The following ENPP3 variants were observed in gnomAD, a reference collection of about 807,000 sequenced individuals.
ENPP3 encodes the protein ectonucleotide pyrophosphatase/phosphodiesterase 3.
In ENPP3, 104 loss-of-function variants were observed where a neutral mutation model predicts 117.8. That is an observed-to-expected ratio of 0.88 (90% CI 0.75 to 1.04). ENPP3 has a LOEUF of 1.04. ENPP3 is among the 50% of genes least tolerant of loss of function. The pLI is 0.00. For missense variants in ENPP3, 1,026 were observed against 1,051.9 expected (o/e 0.98, Z 0.34); for synonymous variants, 380 against 349.9 (o/e 1.09, Z -0.96).
At chr6:131,691,255 G>C (rs1165103712) in intron 14 of ENPP3, among the ~76,000 whole-genome samples, 16 of 152,070 alleles carry the variant, frequency 1.1e-4, no homozygotes, top group Admixed American at 1.0e-3. Context: ...GCAGCACTCT[G>C]ACTACATGAG....
intron 23 of ENPP3, 131 bp downstream of exon 23, chr6:131,738,294 A>G (rs1195300014): frequency 2.8e-6 from 2 of 704,154 alleles, no homozygotes; most frequent in Admixed American, 3.5e-5. Flanking sequence ...ACTATTTTCA[A>G]TCTAGTCTAT....
chr6:131,701,481 G>A (rs1779529457), intron 15 of ENPP3: 2 of 614,678 alleles, frequency 3.3e-6, no homozygotes, highest in East Asian at 2.7e-5. Flanking sequence ...TAACTTGTTC[G>A]GCACTCTTTG....
At chr6:131,671,913 T>G (rs1314468227) in intron 7 of ENPP3, among the ~76,000 whole-genome samples, 1 of 152,238 alleles carries the variant, frequency 6.6e-6, no homozygotes, top group Admixed American at 6.5e-5. Context: ...TTATAACACA[T>G]TTTAAGGCAT....
intron 15 of ENPP3, chr6:131,710,194 A>G (rs1484323912): frequency 6.2e-7 from 1 of 1,608,960 alleles, no homozygotes. Flanking sequence ...ATCTTTCATC[A>G]TTGGCAAGTG....
rs1421893058 is a variant in ENPP3, at chr6:131,701,239, G to A, written c.1412+7615G>A. On this transcript the variant is annotated intron_variant, in intron 15 of 24. Coordinates refer to ENST00000357639, the MANE Select transcript of ENPP3 (RefSeq NM_005021.5). ...GAGAGGAAGAAGTACATGGGGGCGTGCAGTCTGGAGTCCAGTGAGATGAGC... is the reference window on the plus strand; with the variant it reads ...GAGAGGAAGAAGTACATGGGGGCGTACAGTCTGGAGTCCAGTGAGATGAGC... 3 of 1,394,462 alleles carry A rather than the reference G, an allele frequency of 2.2e-6. No homozygotes were observed. Among genetic ancestry groups the A allele is most frequent in the Middle Eastern group, 1.8e-4 (1 of 5,602 alleles). 86.4% of individuals were successfully genotyped at this position (1,394,462 alleles called of 1,614,324 possible). A position where few individuals can be genotyped will look rare whatever the true frequency, so the allele number is the denominator to read the frequency against.
intron 6 of ENPP3, among the ~76,000 whole-genome samples, chr6:131,669,224 A>G (rs141293636): frequency 1.3e-5 from 2 of 152,166 alleles, no homozygotes; most frequent in African/African-American, 2.4e-5. Flanking sequence ...AACAATATTA[A>G]ATGTCTTTCC....
chr6:131,746,858 C>T lies in ENPP3; in HGVS notation c.2530C>T (p.Leu844Phe), dbSNP rs890728320. Reference sequence around the variant, plus strand: ...CATTGCCCGGGTCCGTGATGTAGAACTTCTCACTGGGCTTGACTTCTATCA... The same window carrying T: ...CATTGCCCGGGTCCGTGATGTAGAATTTCTCACTGGGCTTGACTTCTATCA... The part of the protein sequence containing the change: ...AHIARVRDVE[L>F]LTGLDFYQDK... Residue 844 changes from leucine (L) to phenylalanine (F), a missense_variant, in exon 25 of 25, where the codon CTT (leucine) becomes TTT (phenylalanine). By Grantham distance (22) the Leu-to-Phe change is conservative. Coordinates refer to ENST00000357639, the MANE Select transcript of ENPP3 (RefSeq NM_005021.5). 7.4e-6 allele frequency: 12 copies of T among 1,613,338 alleles called. No individual in the cohort carries two copies. The highest frequency in any genetic ancestry group is 1.0e-5 in the Non-Finnish European group (12 of 1,179,680).
chr6:131,721,358 A>G (rs1166657103), intron 17 of ENPP3, among the ~76,000 whole-genome samples: 1 of 152,202 alleles, frequency 6.6e-6, no homozygotes, highest in Non-Finnish European at 1.5e-5. Context: ...AGTTTTTAAA[A>G]TGGTGTGTTG....
intron 7 of ENPP3, among the ~76,000 whole-genome samples, chr6:131,671,938 G>C (rs1032714708): frequency 6.6e-6 from 1 of 152,144 alleles, no homozygotes; most frequent in Non-Finnish European, 1.5e-5. Flanking sequence ...TGCCTCAAAG[G>C]ATATTTGTGT....
intron 5 of ENPP3, among the ~76,000 whole-genome samples, chr6:131,655,819 G>T (rs2114328708): frequency 6.6e-6 from 1 of 152,312 alleles, no homozygotes; most frequent in Non-Finnish European, 1.5e-5. Flanking sequence ...GGCAAGACTA[G>T]AAAGGAACCT....
At chr6:131,736,312 A>G (rs1056607851) in intron 21 of ENPP3, among the ~76,000 whole-genome samples, 3 of 152,228 alleles carry the variant, frequency 2.0e-5, no homozygotes, top group Non-Finnish European at 4.4e-5. Flanking sequence ...TGGATAATTT[A>G]TAAAGAAAAG....
At chr6:131,676,943 G>T (rs1778881967) in intron 10 of ENPP3, 142 bp downstream of exon 10, 1 of 600,372 alleles carries the variant, frequency 1.7e-6, no homozygotes, top group East Asian at 2.8e-5. Context: ...CACTTTTCAT[G>T]AATTATTCCT....
At chr6:131,677,088 T>A (rs372725210) in intron 10 of ENPP3, among the ~76,000 whole-genome samples, 2 of 151,820 alleles carry the variant, frequency 1.3e-5, no homozygotes, top group African/African-American at 4.8e-5. Flanking sequence ...TGTAAAGAAT[T>A]AGCTGGGCAT....
chr6:131,680,303 G>A (rs773335289), intron 11 of ENPP3, among the ~76,000 whole-genome samples: 3 of 152,256 alleles, frequency 2.0e-5, no homozygotes, highest in Admixed American at 6.5e-5. Context: ...GATCAAGATT[G>A]ATTTCCTAGT....
chr6:131,676,695 T>C (rs1202278631), intron 9 of ENPP3, 41 bp from the exon 10 acceptor site: 2 of 1,291,906 alleles, frequency 1.5e-6, no homozygotes, highest in Admixed American at 1.7e-5. Flanking sequence ...TATTCTTGAT[T>C]TGATTCATTT....
chr6:131,653,037 G>T, intron 5 of ENPP3, 146 bp downstream of exon 5: 1 of 505,874 alleles, frequency 2.0e-6, no homozygotes, highest in Non-Finnish European at 3.5e-6. Context: ...ATTTCTTGTG[G>T]CTTCCAAGTT....
At chr6:131,645,340 C>G (rs1778133066) in intron 2 of ENPP3, among the ~76,000 whole-genome samples, 1 of 152,226 alleles carries the variant, frequency 6.6e-6, no homozygotes. Context: ...TACCTCTCCA[C>G]CAGCCATTGC....
intron 1 of ENPP3, 43 bp from the exon 2 acceptor site, chr6:131,641,412 T>G (rs1433818079): frequency 1.9e-5 from 26 of 1,347,218 alleles, no homozygotes; most frequent in Non-Finnish European, 2.7e-5. Flanking sequence ...TCTTTGTAAT[T>G]TTTTAAAAAA....
rs1383205517 is a variant in ENPP3, at chr6:131,637,394, A to T, written c.10A>T (p.Thr4Ser). 3.1e-6 allele frequency: 5 copies of T among 1,596,480 alleles called. No homozygotes were observed. The highest frequency in any genetic ancestry group is 4.3e-6 in the Non-Finnish European group (5 of 1,171,332). Residue 4 changes from threonine to serine, a missense_variant, in exon 1 of 25, where the codon ACG (threonine) becomes TCG (serine). Thr to Ser is a moderately conservative substitution (Grantham distance 58, BLOSUM62 1). Transcript: ENST00000357639. MES[T>S]LTLATEQPVK... ...TGCAGCTACCAGGACAATGGAATCT[A>T]CGTTGACTTTAGCAACGGAACAACC...
Sources: gnomAD v4.1 joint callset for allele counts (sites outside exome capture counted in the v4.1 genomes callset) on GRCh38, gnomAD v4.1.1 for gene constraint, MANE v1.5 for transcripts, NCBI Gene and HGNC (gene_info 2026-07-23, HGNC 2026-07-21) for gene names.